PDGFD: variants seen among roughly 807,000 people sequenced by gnomAD.
PDGFD encodes the protein platelet-derived growth factor D.
Under a neutral mutation model 44.7 loss-of-function variants are expected in PDGFD, and 30 were observed. That is an observed-to-expected ratio of 0.67 (90% CI 0.50 to 0.91). The LOEUF (loss-of-function observed/expected upper bound fraction) is 0.91, where lower values mean the gene tolerates loss of function less well. PDGFD is among the 40% of genes least tolerant of loss of function. The pLI, the probability that PDGFD is intolerant of heterozygous loss-of-function variation, is 0.00. For missense variants in PDGFD, 445 were observed against 457.8 expected (o/e 0.97, Z 0.25); for synonymous variants, 173 against 168.4 (o/e 1.03, Z -0.21).
intron 4 of PDGFD, chr11:103,946,023 GA>G (rs1168232142): frequency 6.6e-6 from 1 of 152,106 alleles, no homozygotes; most frequent in Non-Finnish European, 1.5e-5. Flanking sequence ...CTATTTTTGA[GA>G]AAAAGAACTA....
chr11:104,016,232 A>C (rs1859856639), intron 1 of PDGFD, among the ~76,000 whole-genome samples: 1 of 152,170 alleles, frequency 6.6e-6, no homozygotes, highest in African/African-American at 2.4e-5. Flanking sequence ...ATGGCTTTGC[A>C]TGGTAGTCAT....
intron 1 of PDGFD, among the ~76,000 whole-genome samples, chr11:104,017,799 C>T (rs1339863124): frequency 6.6e-6 from 1 of 152,164 alleles, no homozygotes. Context: ...TATGTATACA[C>T]ATTAGAGACT....
intron 1 of PDGFD, among the ~76,000 whole-genome samples, chr11:104,013,903 A>G (rs260846): frequency 0.7 from 106,517 of 151,336 alleles, 37,550 homozygotes; most frequent in Admixed American, 0.77. Flanking sequence ...GTGCTGAGCT[A>G]CCAAAAAATA....
At chr11:104,136,762 C>T (rs1862010964) in intron 1 of PDGFD, among the ~76,000 whole-genome samples, 1 of 152,084 alleles carries the variant, frequency 6.6e-6, no homozygotes, top group Admixed American at 6.5e-5. Flanking sequence ...CACACTCTAC[C>T]AGGCATGATC....
chr11:104,122,243 T>C (rs963042881), intron 1 of PDGFD, among the ~76,000 whole-genome samples: 7 of 151,924 alleles, frequency 4.6e-5, no homozygotes, highest in African/African-American at 1.4e-4. Context: ...ATATCTAACA[T>C]GAAGGCTCCA....
At chr11:103,937,786 G>A (rs1171738868) in intron 5 of PDGFD, among the ~76,000 whole-genome samples, 1 of 143,516 alleles carries the variant, frequency 7.0e-6, no homozygotes, top group Non-Finnish European at 1.5e-5. Flanking sequence ...TCCCACCTAT[G>A]AGTGAGAACA....
chr11:104,148,209 T>C (rs1444914932), intron 1 of PDGFD, among the ~76,000 whole-genome samples: 1 of 152,134 alleles, frequency 6.6e-6, no homozygotes, highest in Non-Finnish European at 1.5e-5. Context: ...ATAAAACACA[T>C]AAAACTTGCC....
At chr11:104,041,935 A>C (rs2134399702) in intron 1 of PDGFD, among the ~76,000 whole-genome samples, 1 of 152,328 alleles carries the variant, frequency 6.6e-6, no homozygotes, top group South Asian at 2.1e-4. Context: ...CAGTTATAAA[A>C]GGGCCATTTT....
At chr11:104,035,666 AT>A (rs1292236566) in intron 1 of PDGFD, among the ~76,000 whole-genome samples, 1 of 148,286 alleles carries the variant, frequency 6.7e-6, no homozygotes, top group African/African-American at 2.5e-5. Context: ...GGCTCAACTA[AT>A]TTTTTTCCAG....
chr11:103,990,845 G>C (rs1242703619), intron 3 of PDGFD, among the ~76,000 whole-genome samples: 1 of 152,026 alleles, frequency 6.6e-6, no homozygotes, highest in Non-Finnish European at 1.5e-5. Flanking sequence ...CTTTGTTTAA[G>C]AATTCAGCTT....
intron 1 of PDGFD, among the ~76,000 whole-genome samples, chr11:104,048,518 C>T (rs1860478669): frequency 6.6e-6 from 1 of 152,050 alleles, no homozygotes; most frequent in Non-Finnish European, 1.5e-5. Flanking sequence ...TAACAGAAAC[C>T]AACCTAATTG....
chr11:103,943,519 A>C lies in PDGFD; in HGVS notation c.705T>G (p.Asp235Glu), dbSNP rs780022368. 3 of 1,613,382 alleles carry C rather than the reference A, an allele frequency of 1.9e-6. No individual in the cohort carries two copies. The East Asian group carries it at 6.7e-5, about 36-fold the overall frequency. ...GGGTGTCCAGATACATATTCTCAAG[A>C]TCTTCTTGCCATGACTCTGGATTGA... Reference protein sequence around the residue: ...KYFNPESWQEDLENMYLDTPR... With the variant: ...KYFNPESWQEELENMYLDTPR... The change falls in exon 5 of 7, where the codon GAT (aspartate) becomes GAG (glutamate). Residue 235 changes from aspartate (D) to glutamate (E), a missense_variant. Coordinates refer to ENST00000393158, the MANE Select transcript of PDGFD (RefSeq NM_025208.5).
intron 1 of PDGFD, among the ~76,000 whole-genome samples, chr11:104,155,536 C>T (rs1862295094): frequency 6.6e-6 from 1 of 152,158 alleles, no homozygotes; most frequent in African/African-American, 2.4e-5. Flanking sequence ...CTTATCTATT[C>T]TAATACCCTA....
chr11:104,032,950 T>C (rs1860152219), intron 1 of PDGFD, among the ~76,000 whole-genome samples: 1 of 152,042 alleles, frequency 6.6e-6, no homozygotes, highest in Non-Finnish European at 1.5e-5. Flanking sequence ...TTTGATAACC[T>C]CAGTTACTTA....
At chr11:104,063,127 G>A (rs1163291804) in intron 1 of PDGFD, among the ~76,000 whole-genome samples, 2 of 152,092 alleles carry the variant, frequency 1.3e-5, no homozygotes, top group Non-Finnish European at 2.9e-5. Context: ...ACAGAATGAG[G>A]ACAGGCTTTT....
chr11:103,999,909 T>C (rs1044105517), intron 2 of PDGFD, 142 bp downstream of exon 2: 2 of 474,616 alleles, frequency 4.2e-6, no homozygotes, highest in African/African-American at 5.2e-5. Context: ...TCTGTTAGGG[T>C]CTTTAGGCTT....
intron 3 of PDGFD, among the ~76,000 whole-genome samples, chr11:103,950,240 T>A (rs1365205030): frequency 6.6e-6 from 1 of 151,980 alleles, no homozygotes; most frequent in Non-Finnish European, 1.5e-5. Context: ...TCTAGTCCAA[T>A]CTCCTTATTT....
chr11:104,091,170 C>T (rs751494967), intron 1 of PDGFD, among the ~76,000 whole-genome samples: 9 of 152,124 alleles, frequency 5.9e-5, no homozygotes, highest in South Asian at 2.1e-4. Flanking sequence ...TGCTTACATG[C>T]GTATAGGCAT....
rs1861688427 is a variant in PDGFD at position 104,118,858 on chromosome 11, A to AATATTAATATATAATATAGTATATAT, written c.124+44945_124+44946insATATATACTATATTATATATTAATAT. On this transcript the variant is annotated intron_variant, in intron 1 of 6. Transcript: ENST00000393158. The stretch of plus-strand genomic sequence containing the variant: ...AATATATAATATATTATATATTATA[A>AATATTAATATATAATATAGTATATAT]TATATTATATATTAATATACATATA... Among the ~76,000 whole-genome samples the AATATTAATATATAATATAGTATATAT allele has an allele frequency of 9.8e-5, 5 of 51,252 alleles. 1 individual carries two copies. In the South Asian group the frequency reaches 3.3e-3, roughly 34 times the overall value. The allele number at this position is 51,252 out of a possible 152,430, so 33.6% of individuals were successfully genotyped here.
Sources: gnomAD v4.1 joint callset for allele counts (sites outside exome capture counted in the v4.1 genomes callset) on GRCh38, gnomAD v4.1.1 for gene constraint, MANE v1.5 for transcripts, NCBI Gene and HGNC (gene_info 2026-07-23, HGNC 2026-07-21) for gene names.